The following ADGRV1 variants were observed in gnomAD, a reference collection of about 807,000 sequenced individuals.
ADGRV1 encodes adhesion G protein-coupled receptor V1.
In ADGRV1, 359 loss-of-function variants were observed where a neutral mutation model predicts 596.2. The ratio of observed to expected loss-of-function variants is 0.60; its 90% CI spans 0.55 to 0.66. ADGRV1 has a LOEUF of 0.66. ADGRV1 is among the 30% of genes least tolerant of loss of function. ADGRV1 has a pLI of 0.00. For synonymous variants in ADGRV1, 2,681 were observed against 2,679.2 expected (o/e 1.00, Z -0.02); for missense variants, 7,274 against 7,575.6 (o/e 0.96, Z 1.48).
At chr5:90,661,361 A>G (rs1303096194) in intron 21 of ADGRV1, among the ~76,000 whole-genome samples, 1 of 152,190 alleles carries the variant, frequency 6.6e-6, no homozygotes, top group African/African-American at 2.4e-5. Context: ...CACTTTGGGA[A>G]GATCTTCATG....
chr5:90,853,379 A>G lies in ADGRV1; in HGVS notation c.17300A>G (p.Glu5767Gly). 6.2e-7 allele frequency: 1 copy of G among 1,613,586 alleles called. No individual in the cohort carries two copies. Among genetic ancestry groups the G allele is most frequent in the Non-Finnish European group, 8.5e-7 (1 of 1,179,598 alleles). The change falls in exon 80 of 90, where the codon GAA becomes GGA. Residue 5767 changes from glutamate (E) to glycine (G), a missense_variant. This residue lies in a region of ADGRV1 where 1,874 missense variants were observed against 1,970.2 expected (regional missense o/e 0.95). Transcript: ENST00000405460. The stretch of plus-strand genomic sequence containing the variant: ...AATGGACACAAGTTTGAAGGAAAGG[A>G]AGGAGATTACATTCGAATTCCAGAG... ...QINGHKFEGK[E>G]GDYIRIPERL...
At chr5:90,776,401 T>C (rs1295643882) in intron 60 of ADGRV1, 52 bp from the exon 61 acceptor site, 2 of 1,555,108 alleles carry the variant, frequency 1.3e-6, no homozygotes, top group East Asian at 2.4e-5. Flanking sequence ...AGGCATATAC[T>C]AAGTGCTTAT....
At chr5:91,147,847 A>G (rs150125260) in intron 87 of ADGRV1, among the ~76,000 whole-genome samples, 221 of 152,294 alleles carry the variant, frequency 1.5e-3, no homozygotes, top group African/African-American at 4.5e-3. Flanking sequence ...AGACAGGAAA[A>G]TGTGGAAAAG....
At position 90,805,438 on chromosome 5, in the gene ADGRV1, G is replaced by A. The variant is rs370100422; in HGVS notation, c.14816G>A (p.Gly4939Asp). 3 of 1,590,414 alleles carry A rather than the reference G, an allele frequency of 1.9e-6. No individual in the cohort carries two copies. In the African/African-American group the frequency reaches 4.0e-5, roughly 21 times the overall value. Residue 4939 changes from glycine to aspartate, a missense_variant, in exon 72 of 90, where the codon GGC becomes GAC. By Grantham distance (94) the Gly-to-Asp change is moderately conservative (BLOSUM62 -1). Coordinates refer to ENST00000405460, the MANE Select transcript of ADGRV1 (RefSeq NM_032119.4). ...GAAATTCCTGAATTCATTGTTGTTG[G>A]CAACATGACCCCAACACTGGGTGAG... is the stretch of plus-strand genomic sequence containing the variant. ...GLEIPEFIVV[G>D]NMTPTLGSLS... is the part of the protein sequence containing the mutation.
intron 1 of ADGRV1, among the ~76,000 whole-genome samples, chr5:90,610,932 T>G (rs16868836): frequency 2.0e-4 from 30 of 152,106 alleles, no homozygotes; most frequent in Middle Eastern, 3.4e-3. Flanking sequence ...TTGCCCCAAT[T>G]ATCACAATCC....
chr5:91,092,312 T>C (rs1382756105), intron 86 of ADGRV1, among the ~76,000 whole-genome samples: 1 of 152,154 alleles, frequency 6.6e-6, no homozygotes, highest in Non-Finnish European at 1.5e-5. Context: ...TTGGCCAAGC[T>C]GGTCTCGAAC....
At chr5:90,794,997 A>T (rs985906224) in intron 70 of ADGRV1, among the ~76,000 whole-genome samples, 1 of 148,994 alleles carries the variant, frequency 6.7e-6, no homozygotes, top group African/African-American at 2.5e-5. Context: ...CAGACAGGAG[A>T]CTCCCTCTGG....
At chr5:90,787,745 C>T (rs1438514267) in intron 67 of ADGRV1, among the ~76,000 whole-genome samples, 1 of 151,770 alleles carries the variant, frequency 6.6e-6, no homozygotes, top group Non-Finnish European at 1.5e-5. Flanking sequence ...CGCCTGCCAC[C>T]ACGCCCGGCT....
intron 85 of ADGRV1, among the ~76,000 whole-genome samples, chr5:91,067,458 A>G (rs1787985257): frequency 6.6e-6 from 1 of 152,088 alleles, no homozygotes; most frequent in Non-Finnish European, 1.5e-5. Flanking sequence ...GGAGATTTTT[A>G]AGATCATTAG....
At position 90,729,687 on chromosome 5, in the gene ADGRV1, C is replaced by T; in HGVS notation, c.10472C>T (p.Ser3491Phe). Reference sequence around the variant, plus strand: ...ATTTTCATCTGGGAGATGGGACAGTCTTCCTTCAGGTATTTTCAGTCTGTA... The same window carrying T: ...ATTTTCATCTGGGAGATGGGACAGTTTTCCTTCAGGTATTTTCAGTCTGTA... ...IDIFIWEMGQ[S>F]SFRYFQSVDF... Residue 3491 changes from serine to phenylalanine, a missense_variant, in exon 50 of 90, where the codon TCT becomes TTT. Ser to Phe is a radical substitution (Grantham distance 155, BLOSUM62 -2). This residue lies in a region of ADGRV1 where 3,643 missense variants were observed against 3,809.2 expected (regional missense o/e 0.96). Coordinates refer to ENST00000405460, the MANE Select transcript of ADGRV1 (RefSeq NM_032119.4). The T allele has an allele frequency of 6.2e-7, 1 of 1,606,858 alleles. No individual in the cohort carries two copies. The highest frequency in any genetic ancestry group is 8.5e-7 in the Non-Finnish European group (1 of 1,173,848).
intron 83 of ADGRV1, among the ~76,000 whole-genome samples, chr5:90,930,856 C>A (rs1029053916): frequency 6.6e-6 from 1 of 152,106 alleles, no homozygotes. Context: ...ATATCCAATT[C>A]ATTAAACACT....
intron 85 of ADGRV1, among the ~76,000 whole-genome samples, chr5:91,034,766 C>G (rs952205568): frequency 6.6e-6 from 1 of 152,152 alleles, no homozygotes; most frequent in Non-Finnish European, 1.5e-5. Flanking sequence ...GAGTGACAAG[C>G]AGACAAAACA....
In ADGRV1 at chr5:90,802,899, G is replaced by A. The variant is rs1335508644; in HGVS notation, c.14661+17G>A. On this transcript the variant is annotated intron_variant, in intron 71 of 89. Coordinates refer to ENST00000405460, the MANE Select transcript of ADGRV1 (RefSeq NM_032119.4). ...AATTCTCAGGTAATTGGCCCTGTGT[G>A]TGGTTCTCTCAGCAGAACACTAGAG... is the stretch of plus-strand genomic sequence containing the variant. The A allele has an allele frequency of 1.3e-6, 2 of 1,592,374 alleles. No homozygotes were observed. The highest frequency in any genetic ancestry group is 1.7e-6 in the Non-Finnish European group (2 of 1,168,482).
chr5:90,951,984 C>T (rs1777099116), intron 83 of ADGRV1, among the ~76,000 whole-genome samples: 1 of 152,068 alleles, frequency 6.6e-6, no homozygotes, highest in African/African-American at 2.4e-5. Flanking sequence ...TGATAAAGCT[C>T]AGTTATTTGT....
chr5:90,872,984 A>G (rs1768849833), intron 83 of ADGRV1, among the ~76,000 whole-genome samples: 2 of 152,286 alleles, frequency 1.3e-5, no homozygotes, highest in South Asian at 4.1e-4. Flanking sequence ...TCCTTACAAA[A>G]TTGGTTTTTA....
intron 86 of ADGRV1, among the ~76,000 whole-genome samples, chr5:91,079,543 C>A (rs1789155890): frequency 6.6e-6 from 1 of 152,182 alleles, no homozygotes; most frequent in African/African-American, 2.4e-5. Context: ...AGAACAATAA[C>A]ATCAGGAGTT....
intron 75 of ADGRV1, among the ~76,000 whole-genome samples, chr5:90,818,648 C>T (rs1763159294): frequency 6.6e-6 from 1 of 150,524 alleles, no homozygotes; most frequent in Non-Finnish European, 1.5e-5. Flanking sequence ...TTGTCAAAGG[C>T]TTTTTCTGCA....
chr5:90,802,977 T>A, intron 71 of ADGRV1, 95 bp downstream of exon 71: 1 of 987,118 alleles, frequency 1.0e-6, no homozygotes, highest in Non-Finnish European at 1.4e-6. Context: ...TTCTCATGAG[T>A]AACTATTTTC....
At chr5:90,751,034 G>A (rs1755190983) in intron 53 of ADGRV1, among the ~76,000 whole-genome samples, 2 of 152,266 alleles carry the variant, frequency 1.3e-5, no homozygotes, top group South Asian at 4.2e-4. Context: ...TAGGCACAAT[G>A]GAAGTAGTAA....
Sources: gnomAD v4.1 joint callset for allele counts (sites outside exome capture counted in the v4.1 genomes callset) on GRCh38, gnomAD v4.1.1 for gene constraint, gnomAD v4.1.1 regional missense constraint, MANE v1.5 for transcripts, NCBI Gene and HGNC (gene_info 2026-07-23, HGNC 2026-07-21) for gene names.